Variants in GREM2 observed in about 807,000 individuals in gnomAD.
GREM2 encodes the protein gremlin 2, DAN family BMP antagonist.
In GREM2, 11 loss-of-function variants were observed where a neutral mutation model predicts 14.2. That is an observed-to-expected ratio of 0.78 (90% CI 0.49 to 1.28). The LOEUF (loss-of-function observed/expected upper bound fraction) is 1.28. Among genes scored for constraint, GREM2 ranks in the 50% most tolerant of loss-of-function variants. The probability of loss-of-function intolerance (pLI) is 0.00; values close to 1 mark genes in which losing one functional copy is unlikely to be tolerated. For missense variants in GREM2, 210 were observed against 218.5 expected (o/e 0.96, Z 0.24); for synonymous variants, 98 against 97.6 (o/e 1.00, Z -0.02).
intron 1 of GREM2, among the ~76,000 whole-genome samples, chr1:240,567,897 C>A (rs1679197659): frequency 6.6e-6 from 1 of 152,040 alleles, no homozygotes; most frequent in African/African-American, 2.4e-5. Flanking sequence ...TCACTTGAGG[C>A]CAGGAGTTTG....
chr1:240,531,854 G>A (rs966189076), intron 1 of GREM2, among the ~76,000 whole-genome samples: 25 of 151,402 alleles, frequency 1.7e-4, no homozygotes, highest in Middle Eastern at 3.4e-3. Flanking sequence ...GATTACAGGC[G>A]CCCGCCACCG....
At chr1:240,531,447 G>A (rs141508142) in intron 1 of GREM2, among the ~76,000 whole-genome samples, 2,313 of 152,290 alleles carry the variant, frequency 0.015, 41 homozygotes, top group Non-Finnish European at 0.017. Flanking sequence ...AAATGCGTCC[G>A]TCTCAAGTTA....
chr1:240,493,538 C>CTTTT, intron 1 of GREM2, 62 bp from the exon 2 acceptor site: 3 of 1,435,408 alleles, frequency 2.1e-6, no homozygotes, highest in Non-Finnish European at 2.8e-6. Context: ...ATCAATCTTA[C>CTTTT]TTATTTTTTT....
intron 1 of GREM2, among the ~76,000 whole-genome samples, chr1:240,495,631 G>C (rs1384304823): frequency 1.3e-5 from 2 of 152,158 alleles, no homozygotes; most frequent in Non-Finnish European, 2.9e-5. Flanking sequence ...CTAAGGCATT[G>C]ACAGGCTGCC....
intron 1 of GREM2, among the ~76,000 whole-genome samples, chr1:240,572,485 G>A (rs1332231783): frequency 1.3e-5 from 2 of 152,208 alleles, no homozygotes; most frequent in Non-Finnish European, 2.9e-5. Context: ...ACTTTAGAGA[G>A]TACGAAGTCT....
At chr1:240,557,472 CA>C (rs1678970939) in intron 1 of GREM2, among the ~76,000 whole-genome samples, 1 of 152,084 alleles carries the variant, frequency 6.6e-6, no homozygotes, top group African/African-American at 2.4e-5. Flanking sequence ...ATGAAAACAG[CA>C]TTGGTCCTCT....
At chr1:240,544,664 C>A (rs565939870) in intron 1 of GREM2, among the ~76,000 whole-genome samples, 10 of 152,288 alleles carry the variant, frequency 6.6e-5, no homozygotes, top group African/African-American at 2.4e-4. Flanking sequence ...CTTTTCAAAG[C>A]CGTCCACACC....
chr1:240,568,243 G>C (rs1679201801), intron 1 of GREM2, among the ~76,000 whole-genome samples: 1 of 152,108 alleles, frequency 6.6e-6, no homozygotes, highest in Non-Finnish European at 1.5e-5. Flanking sequence ...GTTATGTATA[G>C]AGTTGTATAC....
At chr1:240,565,395 T>C (rs982974709) in intron 1 of GREM2, among the ~76,000 whole-genome samples, 3 of 152,188 alleles carry the variant, frequency 2.0e-5, no homozygotes, top group African/African-American at 7.2e-5. Flanking sequence ...ATTTCATAAA[T>C]TGAAGTGAGG....
chr1:240,564,336 A>ATC (rs1352260057), intron 1 of GREM2, among the ~76,000 whole-genome samples: 12 of 151,926 alleles, frequency 7.9e-5, no homozygotes, highest in East Asian at 5.8e-4. Context: ...CTGAAACCCC[A>ATC]TCTCTACCAA....
chr1:240,548,760 A>G (rs1219988265), intron 1 of GREM2, among the ~76,000 whole-genome samples: 1 of 152,152 alleles, frequency 6.6e-6, no homozygotes, highest in East Asian at 1.9e-4. Context: ...GAAGTGAGGG[A>G]GGCTGTGAAT....
intron 1 of GREM2, among the ~76,000 whole-genome samples, chr1:240,572,098 T>G (rs1423135959): frequency 6.6e-6 from 1 of 152,218 alleles, no homozygotes; most frequent in Admixed American, 6.5e-5. Flanking sequence ...TAAATAAGCA[T>G]CTTCTTCCCT....
intron 1 of GREM2, among the ~76,000 whole-genome samples, chr1:240,596,021 A>G (rs978242222): frequency 6.6e-6 from 1 of 152,176 alleles, no homozygotes; most frequent in Non-Finnish European, 1.5e-5. Context: ...CTTGGCATAT[A>G]ACAAATCCTA....
At chr1:240,526,445 A>C (rs1403182562) in intron 1 of GREM2, among the ~76,000 whole-genome samples, 1 of 152,108 alleles carries the variant, frequency 6.6e-6, no homozygotes, top group African/African-American at 2.4e-5. Context: ...TGCCTTCAAC[A>C]CTAATCCGGC....
intron 1 of GREM2, among the ~76,000 whole-genome samples, chr1:240,573,561 C>T (rs189969400): frequency 2.0e-5 from 3 of 152,310 alleles, no homozygotes; most frequent in East Asian, 1.9e-4. Context: ...TTAAGTCCTA[C>T]GCCAGAGGCG....
chr1:240,585,871 G>A (rs1558173299), intron 1 of GREM2, among the ~76,000 whole-genome samples: 1 of 151,806 alleles, frequency 6.6e-6, no homozygotes, highest in East Asian at 1.9e-4. Context: ...ACTGAGTTAA[G>A]AGTATGAAGG....
At chr1:240,592,801 G>A (rs1246214529) in intron 1 of GREM2, among the ~76,000 whole-genome samples, 1 of 152,010 alleles carries the variant, frequency 6.6e-6, no homozygotes, top group African/African-American at 2.4e-5. Context: ...ACTTGCCCTG[G>A]AATGTCTCCA....
intron 1 of GREM2, among the ~76,000 whole-genome samples, chr1:240,583,357 T>C (rs962245442): frequency 1.3e-5 from 2 of 152,186 alleles, no homozygotes; most frequent in East Asian, 1.9e-4. Flanking sequence ...ATGTGACAGA[T>C]AGCTAATGAC....
At chr1:240,522,211 C>T (rs139099962) in intron 1 of GREM2, among the ~76,000 whole-genome samples, 110 of 149,992 alleles carry the variant, frequency 7.3e-4, no homozygotes, top group African/African-American at 2.4e-3. Context: ...GAGAAAGAGA[C>T]GAAAAAAGGG....
Sources: gnomAD v4.1 joint callset for allele counts (sites outside exome capture counted in the v4.1 genomes callset) on GRCh38, gnomAD v4.1.1 for gene constraint, MANE v1.5 for transcripts, NCBI Gene and HGNC (gene_info 2026-07-23, HGNC 2026-07-21) for gene names.